The following DNAH2 variants were observed in gnomAD, a reference collection of about 807,000 sequenced individuals.
The protein encoded by DNAH2 is dynein axonemal heavy chain 2, also known as axonemal beta dynein heavy chain 2.
In DNAH2, 323 loss-of-function variants were observed where a neutral mutation model predicts 523.5. The observed-to-expected ratio is 0.62, with a 90% CI of 0.56 to 0.68. The LOEUF is 0.68. DNAH2 is among the 30% of genes least tolerant of loss of function. DNAH2 has a pLI of 0.00. For missense variants in DNAH2, 4,907 were observed against 5,701.5 expected (o/e 0.86, Z 4.49); for synonymous variants, 2,093 against 2,177.4 (o/e 0.96, Z 1.08).
intron 12 of DNAH2, among the ~76,000 whole-genome samples, chr17:7,747,686 A>G (rs1317112502): frequency 6.6e-6 from 1 of 152,192 alleles, no homozygotes; most frequent in Non-Finnish European, 1.5e-5. Context: ...TTTATCTGAA[A>G]TCCAAATAAT....
chr17:7,791,285 G>C (rs1227852091), intron 44 of DNAH2, among the ~76,000 whole-genome samples: 1 of 151,904 alleles, frequency 6.6e-6, no homozygotes, highest in African/African-American at 2.4e-5. Flanking sequence ...TGGCCAGGCT[G>C]GTCTCGAACT....
Position 7,743,065 on chromosome 17 carries a change from T to C in DNAH2, c.1827T>C (p.Asp609=), listed in dbSNP as rs1385180232. Residue 609 remains aspartate (D), a synonymous_variant, in exon 12 of 86, where the codon GAT becomes GAC. Coordinates refer to ENST00000572933, the MANE Select transcript of DNAH2 (RefSeq NM_020877.5). ...AGTGGACATCAAGTCTGGACAAGGA[T>C]TGCATTCGGCGGTTGGATACCCCAT... is the stretch of plus-strand genomic sequence containing the variant. ...FQEWTSSLDK[D]CIRRLDTPLL... 1.3e-6 allele frequency: 2 copies of C among 1,536,806 alleles called. No individual in the cohort carries two copies. Among genetic ancestry groups the C allele is most frequent in the Admixed American group, 2.2e-5 (1 of 45,570 alleles).
chr17:7,791,818 G>A, intron 44 of DNAH2, 99 bp from the exon 45 acceptor site: 1 of 1,186,386 alleles, frequency 8.4e-7, no homozygotes, highest in Non-Finnish European at 1.2e-6. Context: ...CAGGGAAGGA[G>A]GAAGACCCAG....
intron 72 of DNAH2, 35 bp downstream of exon 72, chr17:7,819,443 G>A (rs1256434190): frequency 6.2e-7 from 1 of 1,612,452 alleles, no homozygotes; most frequent in South Asian, 1.1e-5. Context: ...CCAGCCCGGA[G>A]GCCGAGTGGC....
In DNAH2 at chr17:7,821,426, C is replaced by G; in HGVS notation, c.11142+57C>G. 6.4e-7 allele frequency: 1 copy of G among 1,563,174 alleles called. No individual in the cohort carries two copies. The highest frequency in any genetic ancestry group is 8.7e-7 in the Non-Finnish European group (1 of 1,151,176). On this transcript the variant is annotated intron_variant, in intron 73 of 85. Transcript: ENST00000572933. The surrounding 1 kb of genome is among the most constrained non-coding windows in gnomAD (Gnocchi z 5.0). ...GGATGGTCAAGGTTGGGGATGAGGG[C>G]AAGTGTGACAAGGACTCCAGACCCA...
chr17:7,817,591 T>C lies in DNAH2; in HGVS notation c.10051T>C (p.Ser3351Pro), dbSNP rs1176233548. 6.2e-7 allele frequency: 1 copy of C among 1,614,134 alleles called. No individual in the cohort carries two copies. The highest frequency in any genetic ancestry group is 8.5e-7 in the Non-Finnish European group (1 of 1,180,008). ...GGAGCTTCAGGTTCCTTGCTCCCCT[T>C]CTTTCGCCATCGATAACTTCCTGTG... ...IWELQVPCSP[S>P]FAIDNFLCNP... is the part of the protein sequence containing the mutation. The change falls in exon 66 of 86, where the codon TCT becomes CCT. Residue 3351 changes from serine to proline, a missense_variant. Physicochemically the swap from Ser to Pro is moderately conservative, Grantham distance 74. Coordinates refer to ENST00000572933, the MANE Select transcript of DNAH2 (RefSeq NM_020877.5).
rs555481459 is a variant in DNAH2, at chr17:7,817,870, G to A, written c.10236+14G>A. On this transcript the variant is annotated intron_variant, in intron 67 of 85. Coordinates refer to ENST00000572933, the MANE Select transcript of DNAH2 (RefSeq NM_020877.5). ...GAAGGAGGCCAGGTGTGAGGCTGGG[G>A]GGTCAGGTTAGCCCCCCCCTTCCTG... 2.7e-5 allele frequency: 44 copies of A among 1,611,162 alleles called. No homozygotes were observed. In the South Asian group the frequency reaches 3.0e-4, roughly 11 times the overall value.
chr17:7,792,831 G>A lies in DNAH2; in HGVS notation c.7320G>A (p.Val2440=). The change falls in exon 47 of 86, where the codon GTG becomes GTA. Residue 2440 remains valine (V), a synonymous_variant. Coordinates refer to ENST00000572933, the MANE Select transcript of DNAH2 (RefSeq NM_020877.5). ...LQSLPSSQWS[V]LVVNMSAQTT... ...CCCTGCCCTCCAGCCAGTGGTCGGT[G>A]CTCGTTGTCAACATGTCCGCACAGG... 6.2e-7 allele frequency: 1 copy of A among 1,614,158 alleles called. No homozygotes were observed. The highest frequency in any genetic ancestry group is 8.5e-7 in the Non-Finnish European group (1 of 1,180,012).
intron 12 of DNAH2, among the ~76,000 whole-genome samples, chr17:7,748,364 C>T (rs2075574921): frequency 6.6e-6 from 1 of 150,388 alleles, no homozygotes; most frequent in Non-Finnish European, 1.5e-5. Context: ...AGTGCCTTTT[C>T]CCCCCGGGTC....
chr17:7,747,749 T>A (rs1345005667), intron 12 of DNAH2, among the ~76,000 whole-genome samples: 3 of 152,164 alleles, frequency 2.0e-5, no homozygotes, highest in Non-Finnish European at 4.4e-5. Context: ...CCTTTGGGGA[T>A]TGTTTTCCAG....
At chr17:7,782,235 T>G (rs940227361) in intron 39 of DNAH2, among the ~76,000 whole-genome samples, 8 of 152,118 alleles carry the variant, frequency 5.3e-5, no homozygotes, top group African/African-American at 1.9e-4. Context: ...ACATCCCCAG[T>G]AGATGGAAAA....
At chr17:7,817,734 G>A (rs1191683995) in intron 66 of DNAH2, 25 bp downstream of exon 66, 1 of 1,614,152 alleles carries the variant, frequency 6.2e-7, no homozygotes, top group Non-Finnish European at 8.5e-7. Flanking sequence ...GGGCGTGGGG[G>A]CGGTACGGGA....
At chr17:7,768,415 T>A in intron 24 of DNAH2, 148 bp downstream of exon 24, 2 of 787,300 alleles carry the variant, frequency 2.5e-6, no homozygotes, top group Non-Finnish European at 2.0e-6. Context: ...TTCCTCTTTT[T>A]AACATTTAAT....
In DNAH2 at chr17:7,760,020, T is replaced by C. The variant is rs2075961374; in HGVS notation, c.2785+82T>C. On this transcript the variant is annotated intron_variant, in intron 17 of 85. Coordinates refer to ENST00000572933, the MANE Select transcript of DNAH2 (RefSeq NM_020877.5). The surrounding 1 kb of genome is among the most constrained non-coding windows in gnomAD (Gnocchi z 4.0). ...CCAGGCCAGGAGGAGAGACCAGGGC[T>C]ATTTCCAGGCATACTGGGCCAGTCA... The C allele has an allele frequency of 1.3e-6, 2 of 1,594,466 alleles. No homozygotes were observed. Among genetic ancestry groups the C allele is most frequent in the Admixed American group, 1.7e-5 (1 of 59,628 alleles).
chr17:7,788,281 G>A (rs1292390522), intron 44 of DNAH2, 37 bp downstream of exon 44: 3 of 1,527,628 alleles, frequency 2.0e-6, no homozygotes, highest in Non-Finnish European at 2.6e-6. Context: ...AGGGGCAGGG[G>A]GTGCTCACAG....
chr17:7,779,729 CT>C (rs2076552904), intron 36 of DNAH2, among the ~76,000 whole-genome samples: 1 of 152,172 alleles, frequency 6.6e-6, no homozygotes, highest in Non-Finnish European at 1.5e-5. Context: ...TCTGCCATCT[CT>C]TTTGCAGCAG....
At chr17:7,813,488 G>C (rs1052695351) in intron 63 of DNAH2, among the ~76,000 whole-genome samples, 2 of 152,072 alleles carry the variant, frequency 1.3e-5, no homozygotes, top group Non-Finnish European at 2.9e-5. Flanking sequence ...TCATAGTTCA[G>C]TCTCACATAA....
rs1199721840 is a variant in DNAH2 at position 7,733,475 on chromosome 17, C to CTTTTTTTTTT, written c.628+171_628+180dup. 1.8e-4 allele frequency among the ~76,000 whole-genome samples: 20 copies of CTTTTTTTTTT among 113,856 alleles called. 1 individual carries two copies. Among genetic ancestry groups the CTTTTTTTTTT allele is most frequent in the African/African-American group, 2.9e-4 (9 of 30,860 alleles). 74.7% of individuals were successfully genotyped at this position (113,856 alleles called of 152,430 possible). A position where few individuals can be genotyped will look rare whatever the true frequency, so the allele number is the denominator to read the frequency against. On this transcript the variant is annotated intron_variant, in intron 5 of 85. Transcript: ENST00000572933. ...AGGGTACAAGATCCGCCTTCTTCTT[C>CTTTTTTTTTT]TTTTTTTTTTTTTTTTTTTTGAGAT...
chr17:7,733,662 A>G (rs1239895518), intron 5 of DNAH2, among the ~76,000 whole-genome samples: 1 of 151,870 alleles, frequency 6.6e-6, no homozygotes, highest in African/African-American at 2.4e-5. Context: ...TATCTTTAGT[A>G]GAGATGGGGT....
Sources: allele counts gnomAD v4.1 joint callset (sites outside exome capture counted in the v4.1 genomes callset), GRCh38; gene constraint gnomAD v4.1.1; non-coding constraint Gnocchi (gnomAD v3.1); transcripts MANE v1.5; gene names NCBI Gene and HGNC (gene_info 2026-07-23, HGNC 2026-07-21).